The following HMGCLL1 variants were observed in gnomAD, a reference collection of about 807,000 sequenced individuals.
HMGCLL1 encodes the protein 3-hydroxy-3-methylglutaryl-CoA lyase like 1, also known as 3-hydroxymethyl-3-methylglutaryl-CoA lyase, cytoplasmic.
Under a neutral mutation model 39.1 loss-of-function variants are expected in HMGCLL1, and 36 were observed. The observed-to-expected ratio is 0.92, with a 90% CI of 0.71 to 1.22. The LOEUF (loss-of-function observed/expected upper bound fraction) is 1.22. Among genes scored for constraint, HMGCLL1 ranks in the 50% most tolerant of loss-of-function variants. The pLI, the probability that HMGCLL1 is intolerant of heterozygous loss-of-function variation, is 0.00. For synonymous variants in HMGCLL1, 149 were observed against 144.0 expected, an observed-to-expected ratio of 1.03 and a Z score of -0.25; for missense variants, 451 against 416.5, an observed-to-expected ratio of 1.08 and a Z score of -0.72.
the HMGCLL1 span, among the ~76,000 whole-genome samples, chr6:55,605,863 G>A: frequency 1.1e-4 from 17 of 152,038 alleles, no homozygotes; most frequent in Middle Eastern, 3.2e-3. Context: ...TAACTGTTAC[G>A]TAGACCTTAG....
At chr6:55,460,775 G>A (rs1320256432) in intron 7 of HMGCLL1, among the ~76,000 whole-genome samples, 1 of 151,860 alleles carries the variant, frequency 6.6e-6, no homozygotes, top group Non-Finnish European at 1.5e-5. Flanking sequence ...GTATTATTCT[G>A]TTGTTATTTG....
rs566721772 is a variant in HMGCLL1, at chr6:55,455,299, G to A, written c.796-15740C>T. Among the ~76,000 whole-genome samples, 35 of 152,174 alleles carry A rather than the reference G, an allele frequency of 2.3e-4. No individual in the cohort carries two copies. The South Asian group carries it at 5.2e-3, about 23-fold the overall frequency. ...TAACAAGATATTTATCTTAACAATG[G>A]TATTAATTTTTTAAAGCATTGGGTA... On this transcript the variant is annotated intron_variant, in intron 7 of 8. Coordinates refer to ENST00000274901, the MANE Select transcript of HMGCLL1 (RefSeq NM_001042406.2).
chr6:55,507,898 C>T (rs1320739906), intron 5 of HMGCLL1, among the ~76,000 whole-genome samples: 7 of 151,784 alleles, frequency 4.6e-5, no homozygotes, highest in African/African-American at 1.7e-4. Flanking sequence ...TTGCCTTTTT[C>T]ATATAGTGCT....
At chr6:55,512,545 A>T (rs973701496) in intron 5 of HMGCLL1, 4 of 152,142 alleles carry the variant, frequency 2.6e-5, no homozygotes, top group African/African-American at 9.7e-5. Flanking sequence ...TCTTAATTAC[A>T]AAAGTAATTT....
At chr6:55,523,615 G>C (rs527246553) in intron 3 of HMGCLL1, among the ~76,000 whole-genome samples, 1 of 151,970 alleles carries the variant, frequency 6.6e-6, no homozygotes, top group East Asian at 1.9e-4. Flanking sequence ...GAATGTTGGT[G>C]TAAATATTCT....
At chr6:55,573,850 C>T (rs1771636138) in intron 1 of HMGCLL1, among the ~76,000 whole-genome samples, 1 of 151,976 alleles carries the variant, frequency 6.6e-6, no homozygotes, top group African/African-American at 2.4e-5. Context: ...AAGTGTTGTA[C>T]ATTATTAGCC....
In HMGCLL1 at chr6:55,541,779, A is replaced by C. The variant is rs188759930; in HGVS notation, c.247T>G (p.Leu83Val). ...EFINRLSQTG[L>V]SVIEVTSFVS... ...AAGCTAGTCACTTCTATTACAGACA[A>C]GCCAGTTTGGGAAAGTCGATTGATA... Residue 83 changes from leucine (L) to valine (V), a missense_variant, in exon 3 of 9, where the codon TTG becomes GTG. Coordinates refer to ENST00000274901, the MANE Select transcript of HMGCLL1 (RefSeq NM_001042406.2). 188 of 1,610,792 alleles carry C rather than the reference A, an allele frequency of 1.2e-4. No homozygotes were observed. The African/African-American group carries it at 1.8e-3, about 16-fold the overall frequency.
At chr6:55,656,268 C>T in the HMGCLL1 span, among the ~76,000 whole-genome samples, 2 of 151,988 alleles carry the variant, frequency 1.3e-5, no homozygotes, top group Non-Finnish European at 2.9e-5. Flanking sequence ...TAACCTAACC[C>T]TAAGTTTCTC....
At chr6:55,609,867 C>T in the HMGCLL1 span, among the ~76,000 whole-genome samples, 2 of 152,102 alleles carry the variant, frequency 1.3e-5, no homozygotes, top group Admixed American at 1.3e-4. Flanking sequence ...TAAGTGACAT[C>T]TCTAGGTGCA....
chr6:55,642,388 CTCT>C, the HMGCLL1 span, among the ~76,000 whole-genome samples: 1 of 151,750 alleles, frequency 6.6e-6, no homozygotes, highest in Non-Finnish European at 1.5e-5. Flanking sequence ...AAAGATATAG[CTCT>C]TTTAATGGAC....
At chr6:55,643,100 A>T in the HMGCLL1 span, among the ~76,000 whole-genome samples, 1 of 152,128 alleles carries the variant, frequency 6.6e-6, no homozygotes, top group South Asian at 2.1e-4. Flanking sequence ...AGCAATGAAC[A>T]TACACGTACA....
the HMGCLL1 span, among the ~76,000 whole-genome samples, chr6:55,597,868 T>C: frequency 6.6e-6 from 1 of 152,138 alleles, no homozygotes; most frequent in Non-Finnish European, 1.5e-5. Flanking sequence ...GACAAAGAAA[T>C]AGAGTTGAGA....
intron 3 of HMGCLL1, among the ~76,000 whole-genome samples, chr6:55,522,005 C>T (rs988144230): frequency 2.0e-5 from 3 of 151,920 alleles, no homozygotes; most frequent in African/African-American, 7.2e-5. Context: ...AGTGAAACAG[C>T]CTTATTGCTG....
rs917806278 is a variant in HMGCLL1 at position 55,476,993 on chromosome 6, T to TAAAAATTATA, written c.795+18425_795+18426insTATAATTTTT. Among the ~76,000 whole-genome samples the TAAAAATTATA allele has an allele frequency of 2.3e-4, 25 of 110,534 alleles. No individual in the cohort carries two copies. The Admixed American group carries it at 2.5e-3, about 11-fold the overall frequency. The allele number at this position is 110,534 out of a possible 152,430, so 72.5% of individuals were successfully genotyped here. A position where few individuals can be genotyped will look rare whatever the true frequency, so the allele number is the denominator to read the frequency against. On this transcript the variant is annotated intron_variant, in intron 7 of 8. Transcript: ENST00000274901. ...TGTCCTTATGTGTAAGCCTTGTTTA[T>TAAAAATTATA]AAAAATTATGGGCAAAAATCCTTTG...
intron 3 of HMGCLL1, among the ~76,000 whole-genome samples, chr6:55,518,390 G>A (rs1175964232): frequency 6.6e-6 from 1 of 152,112 alleles, no homozygotes; most frequent in East Asian, 1.9e-4. Flanking sequence ...CTGTGGCATT[G>A]TTCCAACAAA....
rs115185821 is a variant in HMGCLL1 at position 55,546,640 on chromosome 6, A to G, written c.109-4500T>C. Among the ~76,000 whole-genome samples the G allele has an allele frequency of 2.6e-3, 398 of 152,256 alleles. 1 individual carries two copies. The highest frequency in any genetic ancestry group is 9.2e-3 in the African/African-American group (384 of 41,564). On this transcript the variant is annotated intron_variant, in intron 1 of 8. Transcript: ENST00000274901. Reference sequence around the variant, plus strand: ...CTGTGAGGCAGGGATGGGGAGGGACACTTTTCTTACATACTGAATATATGA... The same window carrying G: ...CTGTGAGGCAGGGATGGGGAGGGACGCTTTTCTTACATACTGAATATATGA...
chr6:55,481,234 C>T (rs1368999647), intron 7 of HMGCLL1, among the ~76,000 whole-genome samples: 3 of 151,722 alleles, frequency 2.0e-5, no homozygotes, highest in Non-Finnish European at 4.4e-5. Flanking sequence ...CAAAAATTAT[C>T]TAGGTATGGT....
At chr6:55,542,937 T>C (rs1484118642) in intron 1 of HMGCLL1, among the ~76,000 whole-genome samples, 1 of 126,960 alleles carries the variant, frequency 7.9e-6, no homozygotes, top group Non-Finnish European at 1.6e-5. Flanking sequence ...TATATTACTA[T>C]ATTTATAAGT....
At chr6:55,611,913 C>T in the HMGCLL1 span, among the ~76,000 whole-genome samples, 1 of 152,160 alleles carries the variant, frequency 6.6e-6, no homozygotes, top group Admixed American at 6.5e-5. Flanking sequence ...GATGCCCCCT[C>T]TCACCACTCC....
Sources: allele counts gnomAD v4.1 joint callset (sites outside exome capture counted in the v4.1 genomes callset), GRCh38; gene constraint gnomAD v4.1.1; transcripts MANE v1.5; gene names NCBI Gene and HGNC (gene_info 2026-07-23, HGNC 2026-07-21).